Variants in ITPR2 observed in about 807,000 individuals in gnomAD.
The protein encoded by ITPR2 is inositol 1,4,5-trisphosphate-gated calcium channel ITPR2.
ITPR2 carries 207 observed loss-of-function variants against 317.1 expected under a neutral mutation model. That is an observed-to-expected ratio of 0.65 (90% CI 0.58 to 0.73). The LOEUF (loss-of-function observed/expected upper bound fraction) is 0.73. ITPR2 is among the 30% of genes least tolerant of loss of function. The pLI is 0.00. For synonymous variants in ITPR2, 1,156 were observed against 1,149.1 expected (o/e 1.01, Z -0.12); for missense variants, 2,613 against 3,284.0 (o/e 0.80, Z 4.99).
At chr12:26,777,696 A>AAACAGAGAATTTGAATTAT (rs1432034795) in intron 2 of ITPR2, among the ~76,000 whole-genome samples, 1 of 78,766 alleles carries the variant, frequency 1.3e-5, no homozygotes, top group East Asian at 3.1e-3. Flanking sequence ...TTTGAATTAT[A>AAACAGAGAATTTGAATTAT]AAACAGAGAT....
At chr12:26,612,228 T>C (rs1251411981) in intron 26 of ITPR2, among the ~76,000 whole-genome samples, 1 of 147,980 alleles carries the variant, frequency 6.8e-6, no homozygotes, top group African/African-American at 2.4e-5. Flanking sequence ...CTCACGCTTT[T>C]ATGTTATTGG....
chr12:26,417,153 T>C (rs1159392331), intron 50 of ITPR2, among the ~76,000 whole-genome samples: 1 of 152,180 alleles, frequency 6.6e-6, no homozygotes, highest in Non-Finnish European at 1.5e-5. Context: ...AAAAATATAC[T>C]TACATACGAT....
chr12:26,821,008 T>C (rs780503316), intron 1 of ITPR2, among the ~76,000 whole-genome samples: 2 of 152,166 alleles, frequency 1.3e-5, no homozygotes, highest in Admixed American at 6.5e-5. Context: ...TTCTAAAGGA[T>C]ACAGAGTTTC....
intron 37 of ITPR2, among the ~76,000 whole-genome samples, chr12:26,516,311 G>GGAAAGGAAAGGAAGGGAAAGGAAA: frequency 7.2e-6 from 1 of 139,526 alleles, no homozygotes; most frequent in Non-Finnish European, 1.6e-5. Context: ...GGAAAGGAAA[G>GGAAAGGAAAGGAAGGGAAAGGAAA]GAAAGGAAAG....
At chr12:26,512,803 G>A (rs1309420751) in intron 37 of ITPR2, among the ~76,000 whole-genome samples, 3 of 151,196 alleles carry the variant, frequency 2.0e-5, no homozygotes, top group Non-Finnish European at 4.4e-5. Flanking sequence ...ACCTCTCAAC[G>A]GACAGGGAAG....
chr12:26,753,180 C>A (rs530737337), intron 2 of ITPR2, among the ~76,000 whole-genome samples: 1 of 152,218 alleles, frequency 6.6e-6, no homozygotes, highest in African/African-American at 2.4e-5. Flanking sequence ...ACTTGACTGA[C>A]CTTGGGTTAA....
intron 32 of ITPR2, among the ~76,000 whole-genome samples, chr12:26,591,293 CA>C (rs1307360510): frequency 6.6e-6 from 1 of 152,006 alleles, no homozygotes; most frequent in Non-Finnish European, 1.5e-5. Flanking sequence ...AGATATTTCT[CA>C]AAAGAAGACA....
Position 26,767,965 on chromosome 12 carries a change from T to C in ITPR2, c.163+22192A>G, listed in dbSNP as rs1005007015. ...CTCAGAAAGCTCACAGAAAATAGGC[T>C]TTCTCTTGCTCCCTTATTTCATGCC... On this transcript the variant is annotated intron_variant, in intron 2 of 56. Transcript: ENST00000381340. Among the ~76,000 whole-genome samples, 13 of 152,174 alleles carry C rather than the reference T, an allele frequency of 8.5e-5. 1 individual carries two copies. The highest frequency in any genetic ancestry group is 2.9e-4 in the African/African-American group (12 of 41,444).
chr12:26,456,765 CG>C (rs1941896756), intron 45 of ITPR2, among the ~76,000 whole-genome samples: 1 of 152,134 alleles, frequency 6.6e-6, no homozygotes, highest in African/African-American at 2.4e-5. Flanking sequence ...CTCCACCACC[CG>C]GGTTCAAGCG....
Position 26,398,904 on chromosome 12 carries a change from T to A in ITPR2, c.7668A>T (p.Glu2556Asp). 3 of 1,610,574 alleles carry A rather than the reference T, an allele frequency of 1.9e-6. No homozygotes were observed. Among genetic ancestry groups the A allele is most frequent in the Non-Finnish European group, 1.7e-6 (2 of 1,179,098 alleles). ...AGATGAAACAAGTTGTCTTTAGAAT[T>A]TCTTCTTTTTTCTGTTTTTCGCTTC... The part of the protein sequence containing the change: ...DLRSEKQKKE[E>D]ILKTTCFICG... The change falls in exon 54 of 57, where the codon GAA becomes GAT. Residue 2556 changes from glutamate to aspartate, a missense_variant. Transcript: ENST00000381340.
At chr12:26,789,736 T>C (rs1425214978) in intron 2 of ITPR2, among the ~76,000 whole-genome samples, 2 of 152,204 alleles carry the variant, frequency 1.3e-5, no homozygotes, top group Non-Finnish European at 2.9e-5. Flanking sequence ...CACCATAAAA[T>C]TGCTATTTTA....
At chr12:26,734,392 C>T (rs552181673) in intron 2 of ITPR2, among the ~76,000 whole-genome samples, 2 of 152,120 alleles carry the variant, frequency 1.3e-5, no homozygotes, top group African/African-American at 2.4e-5. Flanking sequence ...AATTATCCTA[C>T]AAGGGCCCAA....
chr12:26,583,408 C>T (rs1281498301), intron 32 of ITPR2, among the ~76,000 whole-genome samples: 1 of 151,936 alleles, frequency 6.6e-6, no homozygotes, highest in Admixed American at 6.6e-5. Flanking sequence ...TGTATTTTTG[C>T]ATTCTATTTA....
chr12:26,551,333 T>G (rs1944521275), intron 36 of ITPR2, among the ~76,000 whole-genome samples: 1 of 152,144 alleles, frequency 6.6e-6, no homozygotes, highest in Non-Finnish European at 1.5e-5. Flanking sequence ...ATGAGACAGG[T>G]TCAGACTAAT....
At chr12:26,601,434 C>T (rs1237008441) in intron 28 of ITPR2, among the ~76,000 whole-genome samples, 4 of 151,820 alleles carry the variant, frequency 2.6e-5, no homozygotes, top group East Asian at 1.9e-4. Flanking sequence ...ATTCTAGAGT[C>T]GAAGCAAGGA....
chr12:26,518,481 C>T (rs1164932931), intron 37 of ITPR2, among the ~76,000 whole-genome samples: 1 of 152,048 alleles, frequency 6.6e-6, no homozygotes, highest in East Asian at 1.9e-4. Flanking sequence ...ATGCAATTTA[C>T]CTATATAACA....
At chr12:26,537,575 T>C (rs1186035100) in intron 37 of ITPR2, among the ~76,000 whole-genome samples, 1 of 152,214 alleles carries the variant, frequency 6.6e-6, no homozygotes, top group Non-Finnish European at 1.5e-5. Context: ...ATCTTCAACA[T>C]CATTCCAGCT....
chr12:26,379,871 G>A (rs561862234), intron 55 of ITPR2, among the ~76,000 whole-genome samples: 2 of 152,254 alleles, frequency 1.3e-5, no homozygotes, highest in South Asian at 2.1e-4. Flanking sequence ...ATATGCTCAG[G>A]TTTGTTCCTT....
At chr12:26,732,657 T>C (rs1406697043) in intron 2 of ITPR2, among the ~76,000 whole-genome samples, 1 of 152,190 alleles carries the variant, frequency 6.6e-6, no homozygotes. Flanking sequence ...GGAATTGAGA[T>C]GAAATATGAA....
Sources: allele counts gnomAD v4.1 joint callset (sites outside exome capture counted in the v4.1 genomes callset), GRCh38; gene constraint gnomAD v4.1.1; transcripts MANE v1.5; gene names NCBI Gene and HGNC (gene_info 2026-07-23, HGNC 2026-07-21).